The following TRHDE variants were observed in gnomAD, a reference collection of about 807,000 sequenced individuals.
TRHDE encodes thyrotropin releasing hormone degrading enzyme, also known as thyrotropin-releasing hormone-degrading ectoenzyme.
A neutral mutation model predicts 125.7 loss-of-function variants in TRHDE; 72 were observed. The ratio of observed to expected loss-of-function variants is 0.57; its 90% CI spans 0.47 to 0.70. The LOEUF is 0.70. TRHDE is among the 30% of genes least tolerant of loss of function. The probability of loss-of-function intolerance (pLI) is 0.00; values close to 1 mark genes in which losing one functional copy is unlikely to be tolerated. For missense variants in TRHDE, 1,110 were observed against 1,327.1 expected, an observed-to-expected ratio of 0.84 and a Z score of 2.54; for synonymous variants, 509 against 509.1, an observed-to-expected ratio of 1.00 and a Z score of 0.00.
At chr12:72,387,023 C>T (rs1222174407) in intron 3 of TRHDE, among the ~76,000 whole-genome samples, 1 of 152,154 alleles carries the variant, frequency 6.6e-6, no homozygotes, top group African/African-American at 2.4e-5. Flanking sequence ...AGTGGCCTCC[C>T]TTGGTTACCT....
intron 2 of TRHDE, among the ~76,000 whole-genome samples, chr12:72,312,986 C>T (rs950964615): frequency 6.6e-6 from 1 of 152,044 alleles, no homozygotes; most frequent in Non-Finnish European, 1.5e-5. Flanking sequence ...TCCCTCCCTT[C>T]CCTCCTCTTA....
intron 2 of TRHDE, among the ~76,000 whole-genome samples, chr12:72,114,056 G>A (rs1007947301): frequency 6.6e-6 from 1 of 151,642 alleles, no homozygotes; most frequent in Non-Finnish European, 1.5e-5. Flanking sequence ...TTCTAGACAG[G>A]CCTACCTGCA....
chr12:72,443,411 T>A (rs1430590212), intron 3 of TRHDE, among the ~76,000 whole-genome samples: 1 of 151,774 alleles, frequency 6.6e-6, no homozygotes, highest in Non-Finnish European at 1.5e-5. Flanking sequence ...TATATTGCAC[T>A]TACTATGTAC....
At chr12:72,341,467 G>A (rs923332975) in intron 2 of TRHDE, among the ~76,000 whole-genome samples, 10 of 151,934 alleles carry the variant, frequency 6.6e-5, no homozygotes, top group African/African-American at 2.4e-4. Flanking sequence ...TTTTGTTTCT[G>A]TTATTTGCAA....
chr12:72,545,866 C>A (rs1296515985), intron 7 of TRHDE, among the ~76,000 whole-genome samples: 1 of 151,546 alleles, frequency 6.6e-6, no homozygotes, highest in African/African-American at 2.4e-5. Context: ...TGGTGATTTT[C>A]AGTGTAAATT....
intron 10 of TRHDE, among the ~76,000 whole-genome samples, chr12:72,572,422 A>G (rs977597671): frequency 2.0e-5 from 3 of 152,146 alleles, no homozygotes; most frequent in African/African-American, 7.2e-5. Flanking sequence ...TATAACTTCC[A>G]TACATTTTAT....
rs145769899 is a variant in TRHDE, at chr12:72,293,576, C to A, written c.1188+6622C>A. On this transcript the variant is annotated intron_variant, in intron 2 of 18. Transcript: ENST00000261180. Reference sequence around the variant, plus strand: ...GGCTGCCAAAAGTTCTCAAGTTTTGCATACTAATGTGAAGAGCCCAAGAAA... The same window carrying A: ...GGCTGCCAAAAGTTCTCAAGTTTTGAATACTAATGTGAAGAGCCCAAGAAA... 1.4e-3 allele frequency among the ~76,000 whole-genome samples: 219 copies of A among 152,308 alleles called. 1 individual carries two copies. The East Asian group carries it at 0.017, about 12-fold the overall frequency.
In TRHDE at chr12:72,280,351, G is replaced by T. The variant is rs140910808; in HGVS notation, c.915-6330G>T. ...TTAAATATAATTTTATTATTCCATG[G>T]CTGGAGATCTGCTACTTGGGCTAGT... On this transcript the variant is annotated intron_variant, in intron 1 of 18. Coordinates refer to ENST00000261180, the MANE Select transcript of TRHDE (RefSeq NM_013381.3). Among the ~76,000 whole-genome samples the T allele has an allele frequency of 1.2e-3, 177 of 152,280 alleles. No individual in the cohort carries two copies. In the Middle Eastern group the frequency reaches 0.014, roughly 12 times the overall value.
rs538602799 is a variant in TRHDE, at chr12:72,664,756, G to A, written c.*1561G>A. 1.3e-5 allele frequency: 2 copies of A among 152,078 alleles called. No individual in the cohort carries two copies. Among genetic ancestry groups the A allele is most frequent in the South Asian group, 2.1e-4 (1 of 4,820 alleles). 9.4% of individuals were successfully genotyped at this position (152,078 alleles called of 1,614,324 possible). A position where few individuals can be genotyped will look rare whatever the true frequency, so the allele number is the denominator to read the frequency against. On this transcript the variant is annotated 3_prime_UTR_variant, in exon 19 of 19. Transcript: ENST00000261180. ...TGAAAGAAATATATTCTAACAGTAC[G>A]CACTGAATAGTGAAAATAATTAGAC...
chr12:72,215,001 G>T (rs1478959018), intron 2 of TRHDE, among the ~76,000 whole-genome samples: 1 of 152,062 alleles, frequency 6.6e-6, no homozygotes. Flanking sequence ...TTTGTGTTAG[G>T]TGCATTGCAT....
intron 2 of TRHDE, among the ~76,000 whole-genome samples, chr12:72,233,328 A>G (rs1014105413): frequency 3.3e-5 from 5 of 152,030 alleles, no homozygotes; most frequent in Non-Finnish European, 7.4e-5. Flanking sequence ...ATTGTAGGCA[A>G]CTCTGCCCTT....
At chr12:72,265,045 A>G (rs1879034668) in intron 2 of TRHDE, among the ~76,000 whole-genome samples, 1 of 151,698 alleles carries the variant, frequency 6.6e-6, no homozygotes, top group Non-Finnish European at 1.5e-5. Context: ...TACAGACTCC[A>G]TGATTATTAT....
At chr12:72,189,524 G>A (rs1443867501) in intron 2 of TRHDE, among the ~76,000 whole-genome samples, 2 of 152,198 alleles carry the variant, frequency 1.3e-5, no homozygotes, top group Admixed American at 1.3e-4. Flanking sequence ...TAAACAGGCA[G>A]TAACATGTAC....
chr12:72,336,933 G>A (rs1168517225), intron 2 of TRHDE, among the ~76,000 whole-genome samples: 1 of 152,168 alleles, frequency 6.6e-6, no homozygotes, highest in African/African-American at 2.4e-5. Flanking sequence ...TACTCAAAGT[G>A]GTCTGCAGAC....
chr12:72,274,641 G>A (rs1879412956), intron 1 of TRHDE: 1 of 152,246 alleles, frequency 6.6e-6, no homozygotes, highest in Non-Finnish European at 1.5e-5. Flanking sequence ...GGAGGCACAG[G>A]TGTGTCACAT....
chr12:72,215,462 C>T (rs1017747278), intron 2 of TRHDE, among the ~76,000 whole-genome samples: 4 of 152,288 alleles, frequency 2.6e-5, no homozygotes, highest in East Asian at 1.9e-4. Context: ...GACAGTGCAC[C>T]CTATCCATGA....
At chr12:72,449,484 A>T (rs1477678428) in intron 3 of TRHDE, among the ~76,000 whole-genome samples, 1 of 150,580 alleles carries the variant, frequency 6.6e-6, no homozygotes, top group Non-Finnish European at 1.5e-5. Context: ...TTTTTCCTTC[A>T]AAAAGCTTTT....
At chr12:72,105,881 T>C (rs914609145) in intron 2 of TRHDE, 2 of 152,220 alleles carry the variant, frequency 1.3e-5, no homozygotes, top group African/African-American at 2.4e-5. Flanking sequence ...ATTTCTATCT[T>C]TATTTTATTT....
intron 2 of TRHDE, among the ~76,000 whole-genome samples, chr12:72,209,443 C>T (rs1344972624): frequency 1.3e-5 from 2 of 152,194 alleles, no homozygotes; most frequent in Non-Finnish European, 2.9e-5. Context: ...GGAAAAGGAA[C>T]AAACCCTATG....
Sources: allele counts gnomAD v4.1 joint callset (sites outside exome capture counted in the v4.1 genomes callset), GRCh38; gene constraint gnomAD v4.1.1; transcripts MANE v1.5; gene names NCBI Gene and HGNC (gene_info 2026-07-23, HGNC 2026-07-21).